Variants in WDR48 observed in about 807,000 individuals in gnomAD.
The protein encoded by WDR48 is WD repeat-containing protein 48.
A neutral mutation model predicts 94.0 loss-of-function variants in WDR48; 22 were observed. The ratio of observed to expected loss-of-function variants is 0.23; its 90% CI spans 0.17 to 0.33. WDR48 has a LOEUF of 0.33. WDR48 is among the 10% of genes least tolerant of loss of function. The pLI, the probability that WDR48 is intolerant of heterozygous loss-of-function variation, is 1.00. For synonymous variants in WDR48, 278 were observed against 280.5 expected, an observed-to-expected ratio of 0.99 and a Z score of 0.09; for missense variants, 541 against 813.8, an observed-to-expected ratio of 0.66 and a Z score of 4.08.
At chr3:39,061,255 C>T (rs1177766550) in intron 1 of WDR48, among the ~76,000 whole-genome samples, 1 of 151,158 alleles carries the variant, frequency 6.6e-6, no homozygotes, top group Non-Finnish European at 1.5e-5. Flanking sequence ...CCCCAGCCCC[C>T]TACCCCCCAA....
rs182251895 is a variant in WDR48, at chr3:39,060,769, C to A, written c.49-2281C>A. On this transcript the variant is annotated intron_variant, in intron 1 of 18. Transcript: ENST00000302313. ...TGAGGCGGGTGGACCACTTGAAACC[C>A]AGCCTGGCCAACATGGTGAAACCAC... 3.4e-3 allele frequency among the ~76,000 whole-genome samples: 513 copies of A among 152,232 alleles called. 6 individuals carry two copies. The highest frequency in any genetic ancestry group is 2.9e-3 in the Non-Finnish European group (195 of 68,020).
Position 39,094,428 on chromosome 3 carries a change from G to A in WDR48, c.1939-220G>A, listed in dbSNP as rs544920065. The A allele has an allele frequency of 6.0e-5, 91 of 1,526,598 alleles. No homozygotes were observed. The East Asian group carries it at 2.0e-3, about 33-fold the overall frequency. 94.6% of individuals were successfully genotyped at this position (1,526,598 alleles called of 1,614,324 possible). ...AAAACGTATCCTCAGAGGAATGGCT[G>A]AAAGATGGCCTGGTGTTTCTGGCAT... On this transcript the variant is annotated intron_variant, in intron 18 of 18. Coordinates refer to ENST00000302313, the MANE Select transcript of WDR48 (RefSeq NM_020839.4).
intron 1 of WDR48, among the ~76,000 whole-genome samples, chr3:39,057,359 G>A (rs1348814233): frequency 3.3e-5 from 5 of 152,182 alleles, no homozygotes; most frequent in Non-Finnish European, 5.9e-5. Flanking sequence ...AGCAACAACT[G>A]AGTTGCAATT....
Position 39,091,660 on chromosome 3 carries a change from C to T in WDR48, c.1704C>T (p.Tyr568=), listed in dbSNP as rs746806615. ...NMPKFNKIPF[Y]LQPHASSGAK... ...CCAAATTCAACAAAATTCCTTTCTA[C>T]CTCCAACCTCATGCATCTTCAGGAG... Residue 568 remains tyrosine (Y), a synonymous_variant, in exon 17 of 19, where the codon TAC becomes TAT. Transcript: ENST00000302313. 7 of 1,607,488 alleles carry T rather than the reference C, an allele frequency of 4.4e-6. No individual in the cohort carries two copies. Among genetic ancestry groups the T allele is most frequent in the South Asian group, 1.1e-5 (1 of 89,310 alleles).
chr3:39,055,133 C>G (rs1324438796), intron 1 of WDR48, among the ~76,000 whole-genome samples: 11 of 152,160 alleles, frequency 7.2e-5, no homozygotes, highest in Non-Finnish European at 1.3e-4. Flanking sequence ...GACAGTAGCC[C>G]TGAGCTCCTT....
chr3:39,078,345 A>G, intron 10 of WDR48, 106 bp downstream of exon 10: 1 of 777,300 alleles, frequency 1.3e-6, no homozygotes. Context: ...ATCCTGATGT[A>G]AACAAAAGAT....
chr3:39,069,878 C>G (rs2033832321), intron 7 of WDR48, 134 bp downstream of exon 7: 1 of 607,340 alleles, frequency 1.6e-6, no homozygotes, highest in Admixed American at 3.3e-5. Context: ...TTTTAAAATA[C>G]TAAATTGCAC....
intron 7 of WDR48, among the ~76,000 whole-genome samples, chr3:39,072,410 A>C (rs2033991403): frequency 2.0e-5 from 3 of 152,170 alleles, no homozygotes; most frequent in African/African-American, 7.2e-5. Flanking sequence ...ATCCTAGCTT[A>C]TGGGTCTGAG....
intron 17 of WDR48, among the ~76,000 whole-genome samples, chr3:39,092,143 G>C (rs2035106060): frequency 6.6e-6 from 1 of 152,208 alleles, no homozygotes; most frequent in Non-Finnish European, 1.5e-5. Flanking sequence ...CTGCACTCCA[G>C]CTTGGGCAAC....
At chr3:39,092,448 A>G (rs1237607097) in intron 17 of WDR48, among the ~76,000 whole-genome samples, 1 of 152,172 alleles carries the variant, frequency 6.6e-6, no homozygotes, top group Admixed American at 6.5e-5. Flanking sequence ...CATGCATAAG[A>G]TAGTGGAAAG....
intron 14 of WDR48, chr3:39,087,907 C>A: frequency 2.0e-6 from 1 of 502,154 alleles, no homozygotes; most frequent in Non-Finnish European, 3.6e-6. Flanking sequence ...TATTAAAATC[C>A]TCTAAAATAC....
At chr3:39,072,262 C>T (rs896239923) in intron 7 of WDR48, among the ~76,000 whole-genome samples, 4 of 152,226 alleles carry the variant, frequency 2.6e-5, no homozygotes, top group African/African-American at 9.6e-5. Flanking sequence ...CATTATTGGG[C>T]AGAGCCACCT....
chr3:39,091,798 T>C (rs1413447461), intron 17 of WDR48, 97 bp downstream of exon 17: 1 of 1,032,320 alleles, frequency 9.7e-7, no homozygotes, highest in South Asian at 1.7e-5. Flanking sequence ...ATACCAGATC[T>C]AAGGCTGATT....
chr3:39,066,497 A>G, intron 3 of WDR48, 51 bp from the exon 4 acceptor site: 1 of 1,503,132 alleles, frequency 6.7e-7, no homozygotes, highest in South Asian at 1.2e-5. Context: ...TAAGTTTTCA[A>G]AGTTTTAAGT....
In WDR48 at chr3:39,074,581, T is replaced by C. The variant is rs116095821; in HGVS notation, c.673-145T>C. 1,122 of 794,132 alleles carry C rather than the reference T, an allele frequency of 1.4e-3. 8 individuals are homozygous for C. The African/African-American group carries it at 0.017, about 12-fold the overall frequency. 49.2% of individuals were successfully genotyped at this position (794,132 alleles called of 1,614,324 possible). On this transcript the variant is annotated intron_variant, in intron 7 of 18. Coordinates refer to ENST00000302313, the MANE Select transcript of WDR48 (RefSeq NM_020839.4). The stretch of plus-strand genomic sequence containing the variant: ...TTTGGTCACTTTAGCCTGTGGTGCA[T>C]GGTTGTCAAGCCTTTATCAGAGGCA...
intron 8 of WDR48, among the ~76,000 whole-genome samples, chr3:39,075,373 AAGGTT>A (rs2034164781): frequency 6.6e-6 from 1 of 152,088 alleles, no homozygotes; most frequent in East Asian, 1.9e-4. Context: ...ATGAGGAGTT[AAGGTT>A]ATCTGTGAGC....
chr3:39,083,224 T>A (rs1406097790), intron 11 of WDR48, among the ~76,000 whole-genome samples: 1 of 152,124 alleles, frequency 6.6e-6, no homozygotes, highest in Non-Finnish European at 1.5e-5. Context: ...GACTGGATAA[T>A]CTTTGAAGAA....
At chr3:39,056,123 C>T (rs535784016) in intron 1 of WDR48, among the ~76,000 whole-genome samples, 2 of 152,262 alleles carry the variant, frequency 1.3e-5, no homozygotes, top group East Asian at 1.9e-4. Context: ...ATATAGTTTT[C>T]GTTCTTTAAT....
At chr3:39,092,323 T>C (rs950657319) in intron 17 of WDR48, among the ~76,000 whole-genome samples, 1 of 152,228 alleles carries the variant, frequency 6.6e-6, no homozygotes, top group Non-Finnish European at 1.5e-5. Context: ...AGCTTCCCAG[T>C]AAGGCTTCTT....
Sources: allele counts gnomAD v4.1 joint callset (sites outside exome capture counted in the v4.1 genomes callset), GRCh38; gene constraint gnomAD v4.1.1; transcripts MANE v1.5; gene names NCBI Gene and HGNC (gene_info 2026-07-23, HGNC 2026-07-21).